The following ASIP variants were observed in gnomAD, a reference collection of about 807,000 sequenced individuals.
ASIP encodes agouti-signaling protein.
A neutral mutation model predicts 10.3 loss-of-function variants in ASIP; 11 were observed. That is an observed-to-expected ratio of 1.07 (90% confidence interval 0.68 to 1.78). ASIP has a LOEUF of 1.78. Ranked by LOEUF, ASIP falls within the 40% of genes most tolerant of loss-of-function variation. The pLI is 0.00. For missense variants in ASIP, 180 were observed against 169.2 expected, an observed-to-expected ratio of 1.06 and a Z score of -0.35; for synonymous variants, 70 against 70.8, an observed-to-expected ratio of 0.99 and a Z score of 0.06.
intron 1 of ASIP, among the ~76,000 whole-genome samples, chr20:34,235,962 A>AGGGAAGGAAGGAAGGAAGG (rs1568756757): frequency 1.2e-5 from 1 of 83,802 alleles, no homozygotes; most frequent in African/African-American, 2.6e-4. Flanking sequence ...GGAAGGAAGG[A>AGGGAAGGAAGGAAGGAAGG]AGGAGGGAGG....
intron 1 of ASIP, among the ~76,000 whole-genome samples, chr20:34,253,272 A>AT (rs1405897463): frequency 2.7e-5 from 4 of 150,400 alleles, no homozygotes; most frequent in African/African-American, 7.3e-5. Context: ...CGCCCGCCTA[A>AT]TTTTTTTGTA....
chr20:34,209,217 C>T (rs996931917), intron 1 of ASIP, among the ~76,000 whole-genome samples: 4 of 152,228 alleles, frequency 2.6e-5, no homozygotes, highest in Admixed American at 6.5e-5. Context: ...TGGTGGGAGC[C>T]GGCAACAAGT....
At chr20:34,248,541 G>T (rs745468273) in intron 1 of ASIP, among the ~76,000 whole-genome samples, 1 of 152,106 alleles carries the variant, frequency 6.6e-6, no homozygotes, top group Non-Finnish European at 1.5e-5. Flanking sequence ...GATGGCTCAC[G>T]CTTGTAATTC....
intron 1 of ASIP, chr20:34,246,121 A>G: frequency 1.1e-6 from 1 of 911,708 alleles, no homozygotes; most frequent in South Asian, 1.4e-5. Context: ...GTGCTTCTTT[A>G]AGATCAATTT....
intron 2 of ASIP, among the ~76,000 whole-genome samples, chr20:34,261,676 C>T (rs1468662314): frequency 6.6e-6 from 1 of 151,916 alleles, no homozygotes; most frequent in African/African-American, 2.4e-5. Flanking sequence ...GTGGTGCATG[C>T]CTATGGTTCC....
chr20:34,244,090 T>C (rs1255325164), intron 1 of ASIP, among the ~76,000 whole-genome samples: 1 of 151,950 alleles, frequency 6.6e-6, no homozygotes, highest in Admixed American at 6.6e-5. Flanking sequence ...ACAAAAAAAC[T>C]CTCATTCAAG....
upstream of ASIP, among the ~76,000 whole-genome samples, chr20:34,191,462 C>T (rs978129428): frequency 2.0e-5 from 3 of 152,134 alleles, no homozygotes; most frequent in South Asian, 2.1e-4. Context: ...CTGGTCCCAG[C>T]GGTCTGTGGG....
upstream of ASIP, among the ~76,000 whole-genome samples, chr20:34,237,096 G>A (rs554523911): frequency 6.6e-6 from 1 of 151,992 alleles, no homozygotes; most frequent in Admixed American, 6.6e-5. Flanking sequence ...CTACACATTT[G>A]TCTTTATGCA....
At chr20:34,209,150 G>A (rs2122546771) in intron 1 of ASIP, among the ~76,000 whole-genome samples, 1 of 152,334 alleles carries the variant, frequency 6.6e-6, no homozygotes, top group East Asian at 1.9e-4. Context: ...ACTGATGATA[G>A]CAGTGGTCCA....
intron 1 of ASIP, among the ~76,000 whole-genome samples, chr20:34,197,808 G>T (rs1459097850): frequency 1.3e-5 from 2 of 152,082 alleles, no homozygotes; most frequent in Non-Finnish European, 2.9e-5. Context: ...TCATAATCAG[G>T]AATTAAGAGA....
At chr20:34,192,534 TC>T (rs2034830997), upstream of ASIP, among the ~76,000 whole-genome samples, 1 of 151,304 alleles carries the variant, frequency 6.6e-6, no homozygotes, top group Non-Finnish European at 1.5e-5. Context: ...TTTTTTTTTT[TC>T]CTGAGATGAG....
intron 1 of ASIP, chr20:34,215,311 T>C: frequency 9.0e-6 from 14 of 1,555,124 alleles, no homozygotes; most frequent in Non-Finnish European, 1.2e-5. Flanking sequence ...AGTATACTGA[T>C]AATTTTGTGA....
At chr20:34,208,875 C>T (rs1019722424) in intron 1 of ASIP, among the ~76,000 whole-genome samples, 14 of 152,078 alleles carry the variant, frequency 9.2e-5, no homozygotes, top group Non-Finnish European at 1.5e-4. Flanking sequence ...CTGTAGCTAT[C>T]GTAAATGAGA....
At chr20:34,197,111 A>C (rs971195617) in intron 1 of ASIP, among the ~76,000 whole-genome samples, 1 of 151,950 alleles carries the variant, frequency 6.6e-6, no homozygotes. Context: ...GCAGTGGCTC[A>C]CACCTATAAT....
At chr20:34,193,498 A>G (rs1305815141), upstream of ASIP, among the ~76,000 whole-genome samples, 4 of 152,316 alleles carry the variant, frequency 2.6e-5, no homozygotes, top group Non-Finnish European at 5.9e-5. Context: ...CAAGGTGGGA[A>G]GAACATTTTT....
chr20:34,243,922 G>A (rs1159078296), intron 1 of ASIP, among the ~76,000 whole-genome samples: 1 of 152,140 alleles, frequency 6.6e-6, no homozygotes, highest in South Asian at 2.1e-4. Flanking sequence ...AAAATTAACC[G>A]GGCGTGGTGG....
In ASIP at chr20:34,235,879, AAGGAAGGAAGGAAGGAAGGAAAGG is replaced by A. The variant is rs1474643334; in HGVS notation, c.-10-24484_-10-24461del. 1.1e-4 allele frequency among the ~76,000 whole-genome samples: 11 copies of A among 97,894 alleles called. 1 individual carries two copies. Among genetic ancestry groups the A allele is most frequent in the African/African-American group, 5.8e-4 (11 of 18,876 alleles). 64.2% of individuals were successfully genotyped at this position (97,894 alleles called of 152,430 possible). On this transcript the variant is annotated intron_variant, in intron 1 of 3. Coordinates refer to the ASIP transcript ENST00000568305. ...AAGGAAGGAAGGAAAGGAAGGAAGG[AAGGAAGGAAGGAAGGAAGGAAAGG>A]AAGGAAGGAAGGAAGGAAGGAAGGA... is the stretch of plus-strand genomic sequence containing the variant.
At chr20:34,258,598 G>A (rs2035613999) in intron 1 of ASIP, among the ~76,000 whole-genome samples, 1 of 136,724 alleles carries the variant, frequency 7.3e-6, no homozygotes, top group Non-Finnish European at 1.5e-5. Flanking sequence ...ATTACTTCCT[G>A]TGAGAAAATA....
chr20:34,211,392 A>G (rs928430292), intron 1 of ASIP, among the ~76,000 whole-genome samples: 2 of 152,214 alleles, frequency 1.3e-5, no homozygotes, highest in Non-Finnish European at 2.9e-5. Context: ...TTTTATATAT[A>G]CTTTAAATTC....
Sources: gnomAD v4.1 joint callset for allele counts (sites outside exome capture counted in the v4.1 genomes callset) on GRCh38, gnomAD v4.1.1 for gene constraint, MANE v1.5 for transcripts, NCBI Gene and HGNC (gene_info 2026-07-23, HGNC 2026-07-21) for gene names.